The following PMPCB variants were observed in gnomAD, a reference collection of about 807,000 sequenced individuals.
The protein encoded by PMPCB is mitochondrial-processing peptidase subunit beta.
PMPCB carries 46 observed loss-of-function variants against 61.5 expected under a neutral mutation model. The ratio of observed to expected loss-of-function variants is 0.75; its 90% CI spans 0.59 to 0.96. PMPCB has a LOEUF of 0.96. PMPCB is among the 40% of genes least tolerant of loss of function. The probability of loss-of-function intolerance (pLI) is 0.00; values close to 1 mark genes in which losing one functional copy is unlikely to be tolerated. For synonymous variants in PMPCB, 191 were observed against 201.6 expected, an observed-to-expected ratio of 0.95 and a Z score of 0.44; for missense variants, 590 against 602.4, an observed-to-expected ratio of 0.98 and a Z score of 0.22.
At chr7:103,316,928 T>G (rs770602331), downstream of PMPCB, 21 of 1,613,992 alleles carry the variant, frequency 1.3e-5, no homozygotes, top group Non-Finnish European at 1.8e-5. Context: ...CTCCACCAGT[T>G]GATTTCTCTG....
At chr7:103,337,893 C>T in the PMPCB span, 3 of 990,906 alleles carry the variant, frequency 3.0e-6, no homozygotes, top group South Asian at 1.4e-5. Context: ...CCTTAATAAG[C>T]ATTTCCCAAA....
chr7:103,300,484 T>C (rs1197014532), intron 4 of PMPCB, among the ~76,000 whole-genome samples, 177 bp downstream of exon 4: 1 of 152,208 alleles, frequency 6.6e-6, no homozygotes, highest in African/African-American at 2.4e-5. Flanking sequence ...TGACAAATAG[T>C]AAATTATGGA....
chr7:103,307,685 C>T lies in PMPCB; in HGVS notation c.826C>T (p.Pro276Ser). 1 of 1,610,026 alleles carries T rather than the reference C, an allele frequency of 6.2e-7. No homozygotes were observed. Residue 276 changes from proline to serine, a missense_variant, in exon 7 of 13, where the codon CCC becomes TCC. Transcript: ENST00000249269. ...THKGEIPALP[P>S]CKFTGSEIRV... ...CAAAGGAGAAATACCAGCTCTGCCT[C>T]CCTGCAAATTCACAGGAAGTGAGGT... is the stretch of plus-strand genomic sequence containing the variant.
downstream of PMPCB, among the ~76,000 whole-genome samples, chr7:103,330,574 C>A (rs995736936): frequency 2.0e-5 from 3 of 152,102 alleles, no homozygotes; most frequent in African/African-American, 7.2e-5. Flanking sequence ...GCCTCAGCCT[C>A]CTGAGTAGCT....
the PMPCB span, among the ~76,000 whole-genome samples, chr7:103,338,406 C>T: frequency 5.9e-5 from 9 of 151,316 alleles, no homozygotes; most frequent in South Asian, 2.1e-4. Flanking sequence ...AAGCAATTCT[C>T]CTGCCTCAGC....
intron 4 of PMPCB, 32 bp from the exon 5 acceptor site, chr7:103,303,810 G>A (rs1817509237): frequency 6.8e-7 from 1 of 1,479,478 alleles, no homozygotes; most frequent in Non-Finnish European, 9.3e-7. Flanking sequence ...TAAGATTGCT[G>A]GCACGTTTTC....
chr7:103,309,009 G>T lies in PMPCB; in HGVS notation c.907G>T (p.Val303Phe), dbSNP rs758022945. 2 of 1,607,142 alleles carry T rather than the reference G, an allele frequency of 1.2e-6. No individual in the cohort carries two copies. Among genetic ancestry groups the T allele is most frequent in the Admixed American group, 1.7e-5 (1 of 59,268 alleles). Residue 303 changes from valine to phenylalanine, a missense_variant, in exon 8 of 13, where the codon GTT becomes TTT. Coordinates refer to ENST00000249269, the MANE Select transcript of PMPCB (RefSeq NM_004279.3). ...GCACCTTGCAATAGCTGTTGAAGCT[G>T]TTGGTTGGGCACATCCAGATACAAT... ...LAHLAIAVEA[V>F]GWAHPDTICL...
chr7:103,323,717 C>T (rs1477410379), intron 12 of PMPCB: 1 of 1,242,850 alleles, frequency 8.0e-7, no homozygotes, highest in African/African-American at 1.6e-5. Context: ...AAAAAAAATT[C>T]TTTTTAATGC....
the PMPCB span, among the ~76,000 whole-genome samples, chr7:103,346,519 A>G: frequency 3.8e-3 from 572 of 152,338 alleles, 4 homozygotes; most frequent in African/African-American, 0.014. Context: ...CAGTAATGTT[A>G]AGTACATTCA....
At chr7:103,343,828 G>GT in the PMPCB span, among the ~76,000 whole-genome samples, 15 of 151,964 alleles carry the variant, frequency 9.9e-5, no homozygotes, top group African/African-American at 3.6e-4. Flanking sequence ...TTTTGCTCTA[G>GT]TTGTAAGAGG....
At chr7:103,336,875 T>C in the PMPCB span, 2 of 152,360 alleles carry the variant, frequency 1.3e-5, no homozygotes, top group Middle Eastern at 3.4e-3. Context: ...ATGGGGACGA[T>C]TTTGAGTTCA....
At chr7:103,315,643 G>T, downstream of PMPCB, 1 of 610,102 alleles carries the variant, frequency 1.6e-6, no homozygotes. Flanking sequence ...TTTGCTTACA[G>T]CTTCCAGTCT....
downstream of PMPCB, among the ~76,000 whole-genome samples, chr7:103,331,290 A>G (rs1818959906): frequency 6.6e-6 from 1 of 152,176 alleles, no homozygotes; most frequent in South Asian, 2.1e-4. Context: ...ACATGCATAA[A>G]CCACGTAATG....
At chr7:103,324,679 C>G in intron 12 of PMPCB, 1 of 958,298 alleles carries the variant, frequency 1.0e-6, no homozygotes, top group Non-Finnish European at 1.4e-6. Context: ...TTTCCCTTCC[C>G]TACAAACTCT....
the PMPCB span, among the ~76,000 whole-genome samples, chr7:103,341,387 C>A: frequency 6.6e-6 from 1 of 152,184 alleles, no homozygotes; most frequent in Admixed American, 6.5e-5. Context: ...TTTCTCATCA[C>A]CATACCGCAT....
chr7:103,333,918 G>A (rs949653796), downstream of PMPCB, among the ~76,000 whole-genome samples: 3 of 150,370 alleles, frequency 2.0e-5, no homozygotes, highest in Non-Finnish European at 3.0e-5. Context: ...GTGATTTCCA[G>A]TTTCTGGACA....
At chr7:103,310,270 G>T (rs113156207) in intron 8 of PMPCB, 45 bp from the exon 9 acceptor site, 1 of 1,466,582 alleles carries the variant, frequency 6.8e-7, no homozygotes, top group Non-Finnish European at 9.5e-7. Context: ...CTGTATTTTG[G>T]ACATGTATAA....
chr7:103,345,313 A>G, the PMPCB span, among the ~76,000 whole-genome samples: 5 of 152,164 alleles, frequency 3.3e-5, no homozygotes, highest in Non-Finnish European at 5.9e-5. Flanking sequence ...CCTTGTTCTA[A>G]TGAAGTTTTT....
chr7:103,297,660 G>A, intron 1 of PMPCB, 102 bp downstream of exon 1: 1 of 1,555,726 alleles, frequency 6.4e-7, no homozygotes, highest in Non-Finnish European at 8.7e-7. Flanking sequence ...GGTCGGGCAG[G>A]GCCTCCTCGA....
Sources: gnomAD v4.1 joint callset for allele counts (sites outside exome capture counted in the v4.1 genomes callset) on GRCh38, gnomAD v4.1.1 for gene constraint, MANE v1.5 for transcripts, NCBI Gene and HGNC (gene_info 2026-07-23, HGNC 2026-07-21) for gene names.